The following SF3A3 variants were observed in gnomAD, a reference collection of about 807,000 sequenced individuals.
SF3A3 encodes the protein SAP 61.
A neutral mutation model predicts 85.8 loss-of-function variants in SF3A3; 9 were observed. The ratio of observed to expected loss-of-function variants is 0.10; its 90% confidence interval spans 0.06 to 0.18. The LOEUF (loss-of-function observed/expected upper bound fraction) is 0.18. Among genes scored for constraint, SF3A3 ranks in the 10% least tolerant of loss-of-function variants. The pLI is 1.00. For missense variants in SF3A3, 306 were observed against 593.3 expected, an observed-to-expected ratio of 0.52 and a Z score of 5.03; for synonymous variants, 195 against 204.4, an observed-to-expected ratio of 0.95 and a Z score of 0.39.
At chr1:37,962,603 C>CA (rs10562404) in intron 15 of SF3A3, among the ~76,000 whole-genome samples, 9,763 of 80,142 alleles carry the variant, frequency 0.12, 639 homozygotes, top group Admixed American at 0.18. Flanking sequence ...AACTCCATCT[C>CA]AAAAAAAAAA....
At chr1:37,979,180 A>G (rs1646400245) in intron 9 of SF3A3, 125 bp from the exon 10 acceptor site, 1 of 758,264 alleles carries the variant, frequency 1.3e-6, no homozygotes, top group Admixed American at 2.2e-5. Flanking sequence ...CCAATCTAGC[A>G]GTAAGTCTAA....
chr1:37,966,215 A>T (rs192762435), intron 15 of SF3A3, among the ~76,000 whole-genome samples: 232 of 147,964 alleles, frequency 1.6e-3, no homozygotes, highest in South Asian at 5.4e-3. Flanking sequence ...AAAAATAAAT[A>T]AATAAATTAA....
At position 37,958,117 on chromosome 1, in the gene SF3A3, G is replaced by A; in HGVS notation, c.*69C>T. On this transcript the variant is annotated 3_prime_UTR_variant, in exon 17 of 17. Transcript: ENST00000373019. ...AAGGGTCTTTAAGAGGATTTGGTTG[G>A]GAGAAATAGAAAAAGCAGATCTTAG... 2 of 1,018,534 alleles carry A rather than the reference G, an allele frequency of 2.0e-6. No individual in the cohort carries two copies. Among genetic ancestry groups the A allele is most frequent in the Non-Finnish European group, 1.6e-6 (1 of 639,072 alleles). The allele number at this position is 1,018,534 out of a possible 1,614,324, so 63.1% of individuals were successfully genotyped here.
At chr1:37,979,616 G>A (rs1646402807) in intron 8 of SF3A3, 83 bp from the exon 9 acceptor site, 1 of 1,045,216 alleles carries the variant, frequency 9.6e-7, no homozygotes, top group Non-Finnish European at 1.5e-6. Flanking sequence ...AGCATTTTGG[G>A]AGGCCAAGAT....
intron 9 of SF3A3, 87 bp from the exon 10 acceptor site, chr1:37,979,142 G>A (rs753260168): frequency 8.7e-6 from 9 of 1,032,656 alleles, no homozygotes; most frequent in Non-Finnish European, 1.2e-5. Flanking sequence ...GTGTTCCTGA[G>A]GCTGTGGCAG....
chr1:37,961,322 T>G (rs1017553184), intron 15 of SF3A3, among the ~76,000 whole-genome samples: 1 of 152,156 alleles, frequency 6.6e-6, no homozygotes, highest in Non-Finnish European at 1.5e-5. Flanking sequence ...CAGTGGCTCA[T>G]GCCTGTAATC....
intron 4 of SF3A3, among the ~76,000 whole-genome samples, chr1:37,987,368 C>T (rs1180306899): frequency 1.3e-5 from 2 of 152,214 alleles, no homozygotes; most frequent in African/African-American, 4.8e-5. Flanking sequence ...CGTGAGCCAC[C>T]GTGCCCAGCC....
intron 12 of SF3A3, among the ~76,000 whole-genome samples, chr1:37,971,864 A>G (rs1367070022): frequency 1.3e-5 from 2 of 152,238 alleles, no homozygotes; most frequent in East Asian, 3.8e-4. Context: ...TCTCAAAATA[A>G]TAAGAGCCAT....
intron 1 of SF3A3, 67 bp from the exon 2 acceptor site, chr1:37,989,662 G>T (rs1232732229): frequency 7.0e-6 from 11 of 1,573,616 alleles, no homozygotes; most frequent in Non-Finnish European, 9.5e-6. Flanking sequence ...GCCGCCCGAG[G>T]GCGGAGCTTA....
intron 4 of SF3A3, among the ~76,000 whole-genome samples, chr1:37,987,010 C>T (rs1570471885): frequency 1.3e-5 from 2 of 152,072 alleles, no homozygotes; most frequent in Non-Finnish European, 2.9e-5. Flanking sequence ...TCAGAGTGGA[C>T]CAAATTGCTG....
intron 16 of SF3A3, 141 bp downstream of exon 16, chr1:37,959,979 G>T: frequency 2.1e-6 from 1 of 476,424 alleles, no homozygotes. Context: ...AAAAAAAAAA[G>T]GAAAAGTCAA....
chr1:37,985,412 G>GTT (rs11363172), intron 4 of SF3A3, among the ~76,000 whole-genome samples: 7 of 150,950 alleles, frequency 4.6e-5, no homozygotes, highest in South Asian at 4.2e-4. Context: ...ACCTGGGGGA[G>GTT]TTTTTTTTTT....
At chr1:37,981,896 C>T in intron 6 of SF3A3, 85 bp from the exon 7 acceptor site, 1 of 793,772 alleles carries the variant, frequency 1.3e-6, no homozygotes, top group Non-Finnish European at 2.0e-6. Flanking sequence ...TAAGTGAGAT[C>T]AAAATTGAGT....
intron 12 of SF3A3, among the ~76,000 whole-genome samples, chr1:37,974,195 CGTT>C (rs1646363154): frequency 6.6e-6 from 1 of 151,334 alleles, no homozygotes. Flanking sequence ...CAAACCTACA[CGTT>C]GTGCACATGT....
chr1:37,988,765 T>G (rs1037608423), intron 2 of SF3A3, among the ~76,000 whole-genome samples: 1 of 152,110 alleles, frequency 6.6e-6, no homozygotes, highest in Non-Finnish European at 1.5e-5. Context: ...TTTCTTTTAA[T>G]AAACTGAACT....
intron 5 of SF3A3, 75 bp downstream of exon 5, chr1:37,984,632 G>A (rs1423805604): frequency 4.1e-6 from 4 of 971,924 alleles, no homozygotes; most frequent in Non-Finnish European, 6.7e-6. Flanking sequence ...TATCTCTGAG[G>A]CCATGGCTGC....
intron 15 of SF3A3, among the ~76,000 whole-genome samples, chr1:37,964,325 ACTGTT>A (rs1201757168): frequency 6.6e-6 from 1 of 151,750 alleles, no homozygotes; most frequent in Non-Finnish European, 1.5e-5. Context: ...AAGAGGAAAG[ACTGTT>A]TTAAGACACA....
In SF3A3 at chr1:37,962,549, G is replaced by C. The variant is rs1409169225; in HGVS notation, c.1373-2374C>G. ...ACCCGGGAGGTGGAGGTTGCAGTGG[G>C]CCGAGATCGTGCTATTGCACTCCAG... On this transcript the variant is annotated intron_variant, in intron 15 of 16. Transcript: ENST00000373019. Among the ~76,000 whole-genome samples the C allele has an allele frequency of 2.7e-5, 4 of 146,992 alleles. No homozygotes were observed. In the East Asian group the frequency reaches 8.1e-4, roughly 30 times the overall value.
At chr1:37,976,578 G>C (rs1428246101) in intron 12 of SF3A3, among the ~76,000 whole-genome samples, 1 of 151,874 alleles carries the variant, frequency 6.6e-6, no homozygotes, top group Non-Finnish European at 1.5e-5. Flanking sequence ...CTGCTTTGTG[G>C]GCTACTCCTG....
Sources: gnomAD v4.1 joint callset for allele counts (sites outside exome capture counted in the v4.1 genomes callset) on GRCh38, gnomAD v4.1.1 for gene constraint, MANE v1.5 for transcripts, NCBI Gene and HGNC (gene_info 2026-07-23, HGNC 2026-07-21) for gene names.